ZC3H12B: variants seen among roughly 807,000 people sequenced by gnomAD.
The protein encoded by ZC3H12B is probable ribonuclease ZC3H12B.
ZC3H12B carries 7 observed loss-of-function variants against 43.9 expected under a neutral mutation model. That is an observed-to-expected ratio of 0.16 (90% CI 0.09 to 0.30). ZC3H12B has a LOEUF of 0.30. Among genes scored for constraint, ZC3H12B ranks in the 10% least tolerant of loss-of-function variants. ZC3H12B has a pLI of 1.00. For synonymous variants in ZC3H12B, 222 were observed against 241.7 expected, an observed-to-expected ratio of 0.92 and a Z score of 0.76; for missense variants, 475 against 670.2, an observed-to-expected ratio of 0.71 and a Z score of 3.22.
the ZC3H12B span, among the ~76,000 whole-genome samples, chrX:65,054,351 T>A: frequency 1.8e-5 from 2 of 111,620 alleles, no homozygotes; most frequent in East Asian, 5.6e-4. Context: ...CCCAGCACCA[T>A]TTATTAAATA....
chrX:65,441,490 C>G (rs1602444013), intron 3 of ZC3H12B, among the ~76,000 whole-genome samples: 1 of 111,702 alleles, frequency 9.0e-6, no homozygotes, highest in Non-Finnish European at 1.9e-5. Context: ...ATTTGTGCTT[C>G]CAAATCCTCC....
intron 2 of ZC3H12B, among the ~76,000 whole-genome samples, chrX:65,374,089 A>T (rs1258814182): frequency 1.3e-4 from 7 of 55,565 alleles, no homozygotes; most frequent in African/African-American, 3.0e-4. Flanking sequence ...TATATATAGT[A>T]TATATATAAC....
At chrX:65,377,151 G>T (rs763389206) in intron 2 of ZC3H12B, among the ~76,000 whole-genome samples, 99 of 108,012 alleles carry the variant, frequency 9.2e-4, no homozygotes, top group African/African-American at 3.1e-3. Flanking sequence ...TCTTTTAATA[G>T]AACTAATCAA....
the ZC3H12B span, among the ~76,000 whole-genome samples, chrX:65,214,585 T>G: frequency 9.0e-6 from 1 of 111,676 alleles, no homozygotes; most frequent in East Asian, 2.8e-4. Flanking sequence ...CCACTTCTAA[T>G]TCCAGTTCTC....
the ZC3H12B span, among the ~76,000 whole-genome samples, chrX:65,323,961 T>C: frequency 8.9e-6 from 1 of 112,480 alleles, no homozygotes; most frequent in African/African-American, 3.2e-5. Context: ...TGAGCTTTTC[T>C]TCATATGTTT....
At chrX:65,380,254 A>C in intron 2 of ZC3H12B, among the ~76,000 whole-genome samples, 1 of 112,266 alleles carries the variant, frequency 8.9e-6, no homozygotes, top group Non-Finnish European at 1.9e-5. Context: ...CTAACAGCAG[A>C]TCTCTCAGCA....
chrX:65,454,058 G>T (rs771697142), intron 3 of ZC3H12B, among the ~76,000 whole-genome samples: 54 of 112,304 alleles, frequency 4.8e-4, no homozygotes, highest in African/African-American at 1.6e-3. Flanking sequence ...AGCACCCAGC[G>T]TGAGTGACGC....
At chrX:65,477,987 G>C (rs1298000464) in intron 3 of ZC3H12B, among the ~76,000 whole-genome samples, 1 of 110,136 alleles carries the variant, frequency 9.1e-6, no homozygotes, top group Non-Finnish European at 1.9e-5. Context: ...TCTATAGCCA[G>C]CTAAAATCTG....
intron 2 of ZC3H12B, among the ~76,000 whole-genome samples, chrX:65,378,830 C>G (rs190823770): frequency 8.9e-6 from 1 of 112,648 alleles, no homozygotes. Flanking sequence ...CTTTCCTAGT[C>G]AAAGAAAGTG....
At chrX:65,283,974 G>T in the ZC3H12B span, among the ~76,000 whole-genome samples, 1 of 111,149 alleles carries the variant, frequency 9.0e-6, no homozygotes, top group East Asian at 2.8e-4. Flanking sequence ...CTTGGACTTG[G>T]TTCTCAACTG....
chrX:65,371,652 T>A (rs2066246512), intron 2 of ZC3H12B, among the ~76,000 whole-genome samples: 2 of 112,345 alleles, frequency 1.8e-5, no homozygotes, highest in Non-Finnish European at 3.8e-5. Flanking sequence ...CAAGCAAATG[T>A]ACAAATAAAA....
chrX:65,182,299 C>T, the ZC3H12B span, among the ~76,000 whole-genome samples: 1 of 110,361 alleles, frequency 9.1e-6, no homozygotes, highest in Non-Finnish European at 1.9e-5. Flanking sequence ...ATACCTAATG[C>T]ATGCGTGGCT....
the ZC3H12B span, among the ~76,000 whole-genome samples, chrX:65,304,997 T>A: frequency 8.1e-5 from 9 of 111,735 alleles, no homozygotes; most frequent in African/African-American, 2.9e-4. Flanking sequence ...ACACAAGCTT[T>A]GAACAGGTAT....
At chrX:65,078,472 G>A in the ZC3H12B span, among the ~76,000 whole-genome samples, 2 of 112,079 alleles carry the variant, frequency 1.8e-5, no homozygotes, top group African/African-American at 3.2e-5. Flanking sequence ...AGAAATAATT[G>A]TCATGAAATC....
chrX:65,146,578 A>C, the ZC3H12B span, among the ~76,000 whole-genome samples: 1 of 111,175 alleles, frequency 9.0e-6, no homozygotes, highest in Non-Finnish European at 1.9e-5. Context: ...GTTTCTTCTC[A>C]TTTAGGTAGT....
chrX:65,389,722 G>T (rs1408502010), intron 2 of ZC3H12B, among the ~76,000 whole-genome samples: 4 of 112,335 alleles, frequency 3.6e-5, no homozygotes, highest in Non-Finnish European at 5.6e-5. Context: ...CTTCTGCGTC[G>T]CTCATGCTGG....
chrX:65,371,818 C>T (rs996234886), intron 2 of ZC3H12B, among the ~76,000 whole-genome samples: 5 of 111,459 alleles, frequency 4.5e-5, no homozygotes, highest in African/African-American at 9.8e-5. Flanking sequence ...GAATAAAGAA[C>T]GGGATATAAG....
chrX:65,456,593 C>T (rs1394511106), intron 3 of ZC3H12B, among the ~76,000 whole-genome samples: 2 of 106,226 alleles, frequency 1.9e-5, no homozygotes, highest in East Asian at 6.0e-4. Context: ...CGCGCGCCGC[C>T]ACGCCTGACT....
chrX:65,463,317 T>A (rs747293947), intron 3 of ZC3H12B, among the ~76,000 whole-genome samples: 1 of 112,101 alleles, frequency 8.9e-6, no homozygotes, highest in East Asian at 2.8e-4. Flanking sequence ...TTGCATTGAA[T>A]TTGTAGATTG....
Sources: gnomAD v4.1 joint callset for allele counts (sites outside exome capture counted in the v4.1 genomes callset) on GRCh38, gnomAD v4.1.1 for gene constraint, MANE v1.5 for transcripts, NCBI Gene and HGNC (gene_info 2026-07-23, HGNC 2026-07-21) for gene names.